Variants in MAGI1 observed in about 807,000 individuals in gnomAD.
MAGI1 encodes membrane associated guanylate kinase, WW and PDZ domain containing 1, also known as membrane-associated guanylate kinase, WW and PDZ domain-containing protein 1.
A neutral mutation model predicts 139.9 loss-of-function variants in MAGI1; 58 were observed. That is an observed-to-expected ratio of 0.41 (90% confidence interval 0.34 to 0.52). The LOEUF (loss-of-function observed/expected upper bound fraction) is 0.52, where lower values mean the gene tolerates loss of function less well. Among genes scored for constraint, MAGI1 ranks in the 20% least tolerant of loss-of-function variants. The pLI, the probability that MAGI1 is intolerant of heterozygous loss-of-function variation, is 0.12. For missense variants in MAGI1, 1,874 were observed against 1,901.6 expected (o/e 0.99, Z 0.27); for synonymous variants, 812 against 737.9 (o/e 1.10, Z -1.63).
chr3:65,730,180 T>C (rs923635847), intron 1 of MAGI1, among the ~76,000 whole-genome samples: 2 of 151,758 alleles, frequency 1.3e-5, no homozygotes, highest in African/African-American at 4.8e-5. Flanking sequence ...AGGAATGCTT[T>C]TGGCTGCAAA....
intron 18 of MAGI1, among the ~76,000 whole-genome samples, chr3:65,365,686 A>T (rs1941352875): frequency 6.6e-6 from 1 of 152,186 alleles, no homozygotes; most frequent in Non-Finnish European, 1.5e-5. Flanking sequence ...AGAAAATGCT[A>T]AATGTGGTGT....
At chr3:65,401,901 A>G in intron 12 of MAGI1, 1 of 985,242 alleles carries the variant, frequency 1.0e-6, no homozygotes, top group Non-Finnish European at 1.2e-6. Flanking sequence ...GTATATATTT[A>G]GTTTCAAAGG....
intron 13 of MAGI1, among the ~76,000 whole-genome samples, chr3:65,395,657 A>AAAAAAAAAAAAAAAAAAGG (rs1944332400): frequency 7.0e-6 from 1 of 142,856 alleles, no homozygotes; most frequent in Non-Finnish European, 1.5e-5. Flanking sequence ...AAAAAAAAAA[A>AAAAAAAAAAAAAAAAAAGG]GAGGGTGTGC....
chr3:65,360,924 G>T, intron 22 of MAGI1: 1 of 1,376,664 alleles, frequency 7.3e-7, no homozygotes, highest in Non-Finnish European at 9.4e-7. Context: ...ACATTCCTTC[G>T]CTCTTGGTCG....
rs118028936 is a variant in MAGI1, at chr3:65,996,778, G to A, written c.313+41218C>T. Among the ~76,000 whole-genome samples the A allele has an allele frequency of 1.3e-3, 199 of 152,332 alleles. 1 individual carries two copies. In the East Asian group the frequency reaches 0.035, roughly 27 times the overall value. ...GACCATCGGAGGGCCGGGCACTCAC[G>A]AAGTTTCATATCATTCTTTCTAGGT... On this transcript the variant is annotated intron_variant, in intron 1 of 22. Coordinates refer to ENST00000402939, the MANE Select transcript of MAGI1 (RefSeq NM_001033057.2).
chr3:65,728,741 G>A (rs1407137256), intron 1 of MAGI1, among the ~76,000 whole-genome samples: 1 of 152,084 alleles, frequency 6.6e-6, no homozygotes, highest in African/African-American at 2.4e-5. Context: ...AAATTATTTT[G>A]TCTAGGACAC....
chr3:66,015,766 A>G (rs1000082886), intron 1 of MAGI1, among the ~76,000 whole-genome samples: 2 of 152,216 alleles, frequency 1.3e-5, no homozygotes, highest in African/African-American at 4.8e-5. Context: ...CCAAACCAGG[A>G]AACTACCCTG....
chr3:65,795,525 T>C (rs913079310), intron 1 of MAGI1, among the ~76,000 whole-genome samples: 2 of 152,198 alleles, frequency 1.3e-5, no homozygotes, highest in South Asian at 4.1e-4. Context: ...GAGAGGGGTT[T>C]TGTAAAATAT....
rs375653415 is a variant in MAGI1, at chr3:65,430,818, C to T, written c.1427G>A (p.Arg476Gln). 11 of 1,613,372 alleles carry T rather than the reference C, an allele frequency of 6.8e-6. No homozygotes were observed. The highest frequency in any genetic ancestry group is 3.3e-5 in the Admixed American group (2 of 59,910). Reference sequence around the variant, plus strand: ...GAAGCCAAAGCCACGACTGCTTTTCCGCAGCTTTGTGTGAATGAACTTGCC... The same window carrying T: ...GAAGCCAAAGCCACGACTGCTTTTCTGCAGCTTTGTGTGAATGAACTTGCC... ...LKGKFIHTKLRKSSRGFGFTV... is the reference protein window; with the variant it reads ...LKGKFIHTKLQKSSRGFGFTV... The change falls in exon 11 of 23, where the codon CGG becomes CAG. Residue 476 changes from arginine to glutamine, a missense_variant. By Grantham distance (43) the Arg-to-Gln change is conservative. Transcript: ENST00000402939.
At chr3:65,854,996 G>A (rs920432588) in intron 1 of MAGI1, among the ~76,000 whole-genome samples, 6 of 152,238 alleles carry the variant, frequency 3.9e-5, no homozygotes, top group African/African-American at 1.4e-4. Context: ...CATCTGCTGG[G>A]TATTATGCAA....
At chr3:65,633,294 A>G (rs1447566036) in intron 1 of MAGI1, among the ~76,000 whole-genome samples, 2 of 152,178 alleles carry the variant, frequency 1.3e-5, no homozygotes, top group Non-Finnish European at 1.5e-5. Context: ...ACATGCAGAG[A>G]TGGAAGCTAT....
intron 13 of MAGI1, among the ~76,000 whole-genome samples, chr3:65,395,677 T>C (rs1390835417): frequency 2.9e-5 from 3 of 101,772 alleles, no homozygotes; most frequent in Admixed American, 9.7e-5. Context: ...CTAAGTGGAC[T>C]TTCTGAAGAA....
chr3:66,001,058 A>G (rs2066713026), intron 1 of MAGI1, among the ~76,000 whole-genome samples: 1 of 152,232 alleles, frequency 6.6e-6, no homozygotes, highest in Non-Finnish European at 1.5e-5. Context: ...GGGACCTGCT[A>G]TCAAATAGGG....
chr3:65,686,513 G>C (rs943159345), intron 1 of MAGI1, among the ~76,000 whole-genome samples: 1 of 152,070 alleles, frequency 6.6e-6, no homozygotes, highest in Non-Finnish European at 1.5e-5. Context: ...GGATGGTCTC[G>C]ATCTCCTGAC....
intron 1 of MAGI1, chr3:65,874,279 C>CA (rs2060036470): frequency 2.0e-5 from 3 of 152,000 alleles, no homozygotes; most frequent in Admixed American, 1.3e-4. Flanking sequence ...AACTCTGTCT[C>CA]AAAAAAATTT....
At chr3:65,978,775 G>C (rs1032056839) in intron 1 of MAGI1, among the ~76,000 whole-genome samples, 1 of 151,964 alleles carries the variant, frequency 6.6e-6, no homozygotes, top group Non-Finnish European at 1.5e-5. Context: ...TTACAGGCAT[G>C]CGCCACCACG....
intron 1 of MAGI1, among the ~76,000 whole-genome samples, chr3:65,869,955 C>T (rs1235451445): frequency 6.6e-6 from 1 of 152,192 alleles, no homozygotes; most frequent in Non-Finnish European, 1.5e-5. Context: ...CTATTCTTTA[C>T]CCTAGAAATC....
chr3:65,732,420 G>GCTGTGC, intron 1 of MAGI1, among the ~76,000 whole-genome samples: 2 of 152,284 alleles, frequency 1.3e-5, no homozygotes, highest in African/African-American at 4.8e-5. Flanking sequence ...AGAGCTCCCA[G>GCTGTGC]GATTAGCTGT....
At chr3:65,700,379 C>T (rs557508817) in intron 1 of MAGI1, among the ~76,000 whole-genome samples, 9 of 151,930 alleles carry the variant, frequency 5.9e-5, no homozygotes, top group East Asian at 3.9e-4. Flanking sequence ...ACCCAGGAGG[C>T]GGAGGTCACA....
Sources: allele counts gnomAD v4.1 joint callset (sites outside exome capture counted in the v4.1 genomes callset), GRCh38; gene constraint gnomAD v4.1.1; transcripts MANE v1.5; gene names NCBI Gene and HGNC (gene_info 2026-07-23, HGNC 2026-07-21).